The following REL variants were observed in gnomAD, a reference collection of about 807,000 sequenced individuals.
The protein encoded by REL is REL proto-oncogene, NF-kB subunit.
A neutral mutation model predicts 45.9 loss-of-function variants in REL; 15 were observed. The ratio of observed to expected loss-of-function variants is 0.33; its 90% CI spans 0.22 to 0.50. The LOEUF is 0.50. Ranked by LOEUF, REL falls within the 20% of genes least tolerant of loss-of-function variation. The pLI, the probability that REL is intolerant of heterozygous loss-of-function variation, is 0.98. For synonymous variants in REL, 239 were observed against 242.1 expected (o/e 0.99, Z 0.12); for missense variants, 601 against 715.2 (o/e 0.84, Z 1.82).
intron 4 of REL, among the ~76,000 whole-genome samples, chr2:60,913,988 T>C (rs566387298): frequency 6.6e-6 from 1 of 152,338 alleles, no homozygotes; most frequent in African/African-American, 2.4e-5. Flanking sequence ...ATTGAGAAAA[T>C]GTATAATAAA....
chr2:60,919,779 T>A (rs1162738724), intron 7 of REL, among the ~76,000 whole-genome samples: 2 of 152,152 alleles, frequency 1.3e-5, no homozygotes, highest in Non-Finnish European at 2.9e-5. Flanking sequence ...TAGGTTGGCC[T>A]CAAACTCCTG....
chr2:60,919,137 G>C (rs933196104), intron 7 of REL, among the ~76,000 whole-genome samples: 2 of 152,220 alleles, frequency 1.3e-5, no homozygotes, highest in Non-Finnish European at 2.9e-5. Context: ...TTACCACTCA[G>C]AGAGTAGTCT....
At position 60,920,118 on chromosome 2, in the gene REL, A is replaced by C; in HGVS notation, c.922+9A>C. ...ACTGTGCCAGGATCACGGTAAGAATAGTTTGGATCGATTCATATTTAAATA... is the reference window on the plus strand; with the variant it reads ...ACTGTGCCAGGATCACGGTAAGAATCGTTTGGATCGATTCATATTTAAATA... On this transcript the variant is annotated intron_variant, in intron 8 of 9. Coordinates refer to ENST00000394479, the MANE Select transcript of REL (RefSeq NM_001291746.2). The C allele has an allele frequency of 6.3e-7, 1 of 1,578,460 alleles. No homozygotes were observed. The highest frequency in any genetic ancestry group is 2.2e-5 in the East Asian group (1 of 44,680).
intron 3 of REL, among the ~76,000 whole-genome samples, chr2:60,897,798 A>G (rs1673388795): frequency 6.6e-6 from 1 of 151,592 alleles, no homozygotes; most frequent in Non-Finnish European, 1.5e-5. Flanking sequence ...AGGCCAAAGC[A>G]GGAGGATTGC....
At chr2:60,890,820 G>A (rs1673190753) in intron 1 of REL, among the ~76,000 whole-genome samples, 1 of 152,038 alleles carries the variant, frequency 6.6e-6, no homozygotes, top group South Asian at 2.1e-4. Context: ...CTGTTCTTAG[G>A]CAACCAGTGA....
intron 4 of REL, among the ~76,000 whole-genome samples, chr2:60,905,539 A>G (rs1407231222): frequency 6.6e-6 from 1 of 152,254 alleles, no homozygotes; most frequent in African/African-American, 2.4e-5. Context: ...CTGGGAATCT[A>G]CATTTTAAAA....
Position 60,920,107 on chromosome 2 carries a change from A to G in REL, c.920A>G (p.His307Arg), listed in dbSNP as rs201469645. ...CTTTTCCAGAAACTGTGCCAGGATC[A>G]CGGTAAGAATAGTTTGGATCGATTC... ...TLLFQKLCQD[H>R]VNFPERPRPG... is the part of the protein sequence containing the mutation. Residue 307 changes from histidine to arginine, a missense_variant and splice_region_variant, in exon 8 of 10, where the codon CAC (histidine) becomes CGC (arginine). By Grantham distance (29) the His-to-Arg change is conservative. This residue lies in a region of REL where 241 missense variants were observed against 347.0 expected (regional missense o/e 0.69). Coordinates refer to ENST00000394479, the MANE Select transcript of REL (RefSeq NM_001291746.2). The G allele has an allele frequency of 5.9e-5, 94 of 1,604,364 alleles. No homozygotes were observed. The highest frequency in any genetic ancestry group is 7.9e-5 in the Non-Finnish European group (93 of 1,172,234).
chr2:60,906,889 G>A (rs1218490436), intron 4 of REL, among the ~76,000 whole-genome samples: 2 of 128,186 alleles, frequency 1.6e-5, no homozygotes, highest in African/African-American at 3.2e-5. Context: ...GTATGTGTGT[G>A]TGTGTATATA....
intron 1 of REL, among the ~76,000 whole-genome samples, chr2:60,883,769 G>C (rs1273752617): frequency 6.6e-6 from 1 of 151,560 alleles, no homozygotes; most frequent in Non-Finnish European, 1.5e-5. Context: ...GAGGAGGAAG[G>C]ATTCCCTAAA....
rs1267612092 is a variant in REL at position 60,927,059 on chromosome 2, G to A, written c.*4524G>A. Reference sequence around the variant, plus strand: ...AAGGCTGGGCTTCTGTATGAAGGTTGGTCCTGCCTCCTTACTTGAGGTGAA... The same window carrying A: ...AAGGCTGGGCTTCTGTATGAAGGTTAGTCCTGCCTCCTTACTTGAGGTGAA... On this transcript the variant is annotated 3_prime_UTR_variant, in exon 10 of 10. Coordinates refer to ENST00000394479, the MANE Select transcript of REL (RefSeq NM_001291746.2). 4.4e-6 allele frequency: 1 copy of A among 227,970 alleles called. No individual in the cohort carries two copies. The highest frequency in any genetic ancestry group is 6.2e-5 in the East Asian group (1 of 16,044). The allele number at this position is 227,970 out of a possible 1,614,324, so 14.1% of individuals were successfully genotyped here.
Position 60,922,223 on chromosome 2 carries a change from C to G in REL, c.1452C>G (p.Ser484Arg). 6.2e-7 allele frequency: 1 copy of G among 1,614,156 alleles called. No individual in the cohort carries two copies. Among genetic ancestry groups the G allele is most frequent in the Non-Finnish European group, 8.5e-7 (1 of 1,180,030 alleles). Residue 484 changes from serine (S) to arginine (R), a missense_variant, in exon 10 of 10, where the codon AGC becomes AGG. Physicochemically the swap from Ser to Arg is moderately radical, Grantham distance 110. Around this residue, in one of 4 missense-constraint regions of REL, gnomAD observed 334 missense variants for 333.1 expected, o/e 1.00. Transcript: ENST00000394479. ...MGETDNPRLL[S>R]MNLENPSCNS... ...AGACTGATAATCCAAGACTTCTGAG[C>G]ATGAATCTTGAAAACCCCTCATGTA...
intron 4 of REL, among the ~76,000 whole-genome samples, chr2:60,904,585 A>G (rs1036535069): frequency 7.2e-6 from 1 of 138,664 alleles, no homozygotes; most frequent in Non-Finnish European, 1.6e-5. Flanking sequence ...AAAAATAATT[A>G]AAAAAAAAAA....
At position 60,918,624 on chromosome 2, in the gene REL, T is replaced by G. The variant is rs1674049135; in HGVS notation, c.853+18T>G. On this transcript the variant is annotated intron_variant, in intron 7 of 9. Transcript: ENST00000394479. ...TGAAAAAGGTATGACATTTTGCTGG[T>G]AATAATTTATATATTTCTTGAAGTG... is the stretch of plus-strand genomic sequence containing the variant. 3 of 1,531,714 alleles carry G rather than the reference T, an allele frequency of 2.0e-6. No individual in the cohort carries two copies. In the East Asian group the frequency reaches 6.7e-5, roughly 34 times the overall value. 94.9% of individuals were successfully genotyped at this position (1,531,714 alleles called of 1,614,324 possible).
intron 4 of REL, among the ~76,000 whole-genome samples, chr2:60,909,536 C>T (rs1005933119): frequency 6.6e-6 from 1 of 151,972 alleles, no homozygotes; most frequent in East Asian, 1.9e-4. Context: ...AAGTGATCCT[C>T]CTGCCTCGGT....
chr2:60,885,868 TATTTG>T (rs1295721818), intron 1 of REL, among the ~76,000 whole-genome samples: 1 of 152,234 alleles, frequency 6.6e-6, no homozygotes, highest in East Asian at 1.9e-4. Flanking sequence ...AGAGTTAAAA[TATTTG>T]TGTTGTAAAT....
intron 4 of REL, among the ~76,000 whole-genome samples, chr2:60,906,525 C>G (rs1259576720): frequency 6.6e-6 from 1 of 152,086 alleles, no homozygotes; most frequent in Non-Finnish European, 1.5e-5. Context: ...CTTTAAAGCC[C>G]TTCATAATCT....
intron 4 of REL, 128 bp downstream of exon 4, chr2:60,901,211 A>G: frequency 2.5e-6 from 3 of 1,182,018 alleles, no homozygotes; most frequent in Non-Finnish European, 3.3e-6. Context: ...GCTGGAGTGC[A>G]ATGGCGCGAT....
intron 2 of REL, among the ~76,000 whole-genome samples, chr2:60,892,538 C>T (rs902537720): frequency 3.9e-5 from 6 of 152,040 alleles, no homozygotes; most frequent in Non-Finnish European, 5.9e-5. Flanking sequence ...AAGTGATTCT[C>T]CTGCCTCAGC....
rs1674202550 is a variant in REL at position 60,923,609 on chromosome 2, C to G, written c.*1074C>G. On this transcript the variant is annotated 3_prime_UTR_variant, in exon 10 of 10. Transcript: ENST00000394479. ...ATGCCATACTTCTGGTTGCTCAGGC[C>G]AAAAACCCTGAAGTCATCCTTGATT... is the stretch of plus-strand genomic sequence containing the variant. 1 of 232,768 alleles carries G rather than the reference C, an allele frequency of 4.3e-6. No homozygotes were observed. The highest frequency in any genetic ancestry group is 2.2e-5 in the African/African-American group (1 of 45,388). The allele number at this position is 232,768 out of a possible 1,614,324, so 14.4% of individuals were successfully genotyped here.
Sources: allele counts gnomAD v4.1 joint callset (sites outside exome capture counted in the v4.1 genomes callset), GRCh38; gene constraint gnomAD v4.1.1; regional missense constraint gnomAD v4.1.1; transcripts MANE v1.5; gene names NCBI Gene and HGNC (gene_info 2026-07-23, HGNC 2026-07-21).